The following PATL2 variants were observed in gnomAD, a reference collection of about 807,000 sequenced individuals.
The protein encoded by PATL2 is PAT1 homolog 2.
In PATL2, 73 loss-of-function variants were observed where a neutral mutation model predicts 77.0. That is an observed-to-expected ratio of 0.95 (90% CI 0.78 to 1.15). The LOEUF (loss-of-function observed/expected upper bound fraction) is 1.15, where lower values mean the gene tolerates loss of function less well. Among genes scored for constraint, PATL2 ranks in the 50% most tolerant of loss-of-function variants. The pLI is 0.00. For synonymous variants in PATL2, 265 were observed against 257.1 expected (o/e 1.03, Z -0.29); for missense variants, 618 against 655.4 (o/e 0.94, Z 0.62).
rs896651578 is a variant in PATL2, at chr15:44,711,310, G to A, written c.-544C>T. ...CGCGCACCCCAGATCGGAGGGCGCCGATGTACAGACAGCAAACTCACCCAG... is the reference window on the plus strand; with the variant it reads ...CGCGCACCCCAGATCGGAGGGCGCCAATGTACAGACAGCAAACTCACCCAG... On this transcript the variant is annotated 5_prime_UTR_variant, in exon 1 of 18. Transcript: ENST00000682850. 1.8e-5 allele frequency: 11 copies of A among 617,636 alleles called. No individual in the cohort carries two copies. Among genetic ancestry groups the A allele is most frequent in the African/African-American group, 1.6e-4 (9 of 54,590 alleles). 38.3% of individuals were successfully genotyped at this position (617,636 alleles called of 1,614,324 possible).
chr15:44,693,869 T>G (rs1595984217), intron 3 of PATL2, among the ~76,000 whole-genome samples: 1 of 152,028 alleles, frequency 6.6e-6, no homozygotes, highest in Non-Finnish European at 1.5e-5. Flanking sequence ...CCGGGTAATT[T>G]TTTTTGTATT....
At chr15:44,691,329 G>A (rs145918368) in intron 3 of PATL2, among the ~76,000 whole-genome samples, 4 of 152,064 alleles carry the variant, frequency 2.6e-5, no homozygotes, top group African/African-American at 7.2e-5. Flanking sequence ...TAACTGCTAC[G>A]CTTACAGAGA....
chr15:44,669,221 A>G, intron 13 of PATL2, 59 bp downstream of exon 13: 1 of 1,530,996 alleles, frequency 6.5e-7, no homozygotes, highest in South Asian at 1.2e-5. Flanking sequence ...CAGAAGCAAG[A>G]CCAGTGTCTT....
At chr15:44,696,753 T>C (rs1385101597) in intron 3 of PATL2, among the ~76,000 whole-genome samples, 1 of 152,142 alleles carries the variant, frequency 6.6e-6, no homozygotes, top group Non-Finnish European at 1.5e-5. Context: ...TTGTGTTCTA[T>C]TTTTTTGGGG....
chr15:44,701,256 GTT>G (rs200819803), intron 3 of PATL2, among the ~76,000 whole-genome samples: 1 of 143,780 alleles, frequency 7.0e-6, no homozygotes. Flanking sequence ...TTTGCCTGTA[GTT>G]TTTTTTTTTT....
At chr15:44,691,086 T>G (rs1483227126) in intron 3 of PATL2, among the ~76,000 whole-genome samples, 1 of 151,808 alleles carries the variant, frequency 6.6e-6, no homozygotes, top group Non-Finnish European at 1.5e-5. Context: ...ATAGGCTAAG[T>G]GTATAAAACT....
intron 17 of PATL2, among the ~76,000 whole-genome samples, 165 bp from the exon 18 acceptor site, chr15:44,666,136 G>C (rs1031068879): frequency 2.0e-5 from 3 of 152,214 alleles, no homozygotes; most frequent in Non-Finnish European, 2.9e-5. Flanking sequence ...TTTCTTGAAT[G>C]AATAATTCAG....
chr15:44,702,393 G>A (rs1002525079), intron 3 of PATL2, among the ~76,000 whole-genome samples: 3 of 148,212 alleles, frequency 2.0e-5, no homozygotes, highest in African/African-American at 7.5e-5. Context: ...TTCTTAGCGA[G>A]TCTGGCTAAG....
At chr15:44,684,752 C>T (rs778533476) in intron 3 of PATL2, among the ~76,000 whole-genome samples, 5 of 152,056 alleles carry the variant, frequency 3.3e-5, no homozygotes, top group Non-Finnish European at 7.4e-5. Context: ...GAGAACACCA[C>T]GAAGATATTC....
rs546594815 is a variant in PATL2 at position 44,689,465 on chromosome 15, T to C, written c.-75-12900A>G. On this transcript the variant is annotated intron_variant, in intron 3 of 17. Transcript: ENST00000682850. ...AGCAAAGACTTGGAACCAACCCAAA[T>C]GCCCATTAATGATAGCCTGGATAAC... Among the ~76,000 whole-genome samples the C allele has an allele frequency of 2.6e-5, 4 of 152,232 alleles. No homozygotes were observed. In the South Asian group the frequency reaches 8.3e-4, roughly 32 times the overall value.
chr15:44,674,084 G>C, intron 6 of PATL2, 66 bp downstream of exon 6: 3 of 1,431,798 alleles, frequency 2.1e-6, no homozygotes, highest in Non-Finnish European at 2.9e-6. Flanking sequence ...ACCAGGGTTG[G>C]GGGTAGACTG....
In PATL2 at chr15:44,666,462, T is replaced by TG; in HGVS notation, c.1542dup (p.Ser515GlnfsTer85). On this transcript the variant is annotated frameshift_variant, in exon 17 of 18. Transcript: ENST00000682850. LOFTEE classifies it high-confidence loss of function. ...TGACAGAACAGGGGAAGTAGGTTGC[T>TG]GGGGAAAGCTAGGGGTTCTGCCAGA... The TG allele has an allele frequency of 6.4e-7, 1 of 1,551,692 alleles. No homozygotes were observed. The highest frequency in any genetic ancestry group is 8.7e-7 in the Non-Finnish European group (1 of 1,146,970).
intron 15 of PATL2, 103 bp downstream of exon 15, chr15:44,668,239 A>G: frequency 7.6e-7 from 1 of 1,321,394 alleles, no homozygotes; most frequent in Non-Finnish European, 1.0e-6. Context: ...AGCACTGCAG[A>G]GGATAAGATT....
chr15:44,695,162 C>A (rs549603093), intron 3 of PATL2, among the ~76,000 whole-genome samples: 8 of 151,710 alleles, frequency 5.3e-5, no homozygotes, highest in African/African-American at 1.7e-4. Context: ...GCACTCCAGC[C>A]TGGCGACAGA....
At chr15:44,673,138 G>C in intron 7 of PATL2, 97 bp downstream of exon 7, 5 of 1,406,016 alleles carry the variant, frequency 3.6e-6, no homozygotes, top group Non-Finnish European at 4.8e-6. Context: ...TCTCTTACTA[G>C]TTTTCTGTGT....
At chr15:44,677,596 C>T (rs779334202) in intron 3 of PATL2, among the ~76,000 whole-genome samples, 2 of 152,128 alleles carry the variant, frequency 1.3e-5, no homozygotes, top group Non-Finnish European at 2.9e-5. Flanking sequence ...CTCAAGCAAC[C>T]CTGGGTTCTG....
At chr15:44,709,860 T>C (rs1031363343) in intron 3 of PATL2, among the ~76,000 whole-genome samples, 13 of 152,182 alleles carry the variant, frequency 8.5e-5, no homozygotes, top group African/African-American at 3.1e-4. Context: ...AATAGCCCTG[T>C]CCCTTGCTAA....
At chr15:44,674,120 C>A (rs1251019231) in intron 6 of PATL2, 30 bp downstream of exon 6, 1 of 1,515,728 alleles carries the variant, frequency 6.6e-7, no homozygotes, top group Admixed American at 2.0e-5. Flanking sequence ...ATCCTCACTA[C>A]CCACAGTATG....
intron 3 of PATL2, among the ~76,000 whole-genome samples, chr15:44,697,045 GGTA>G (rs1160059638): frequency 1.3e-5 from 2 of 152,134 alleles, no homozygotes; most frequent in Non-Finnish European, 2.9e-5. Context: ...CTTTGGAGCA[GGTA>G]GCAATCTTCA....
Sources: gnomAD v4.1 joint callset for allele counts (sites outside exome capture counted in the v4.1 genomes callset) on GRCh38, gnomAD v4.1.1 for gene constraint, MANE v1.5 for transcripts, NCBI Gene and HGNC (gene_info 2026-07-23, HGNC 2026-07-21) for gene names.